Variants in CEP112 observed in about 807,000 individuals in gnomAD.
CEP112 encodes centrosomal protein 112.
In CEP112, 127 loss-of-function variants were observed where a neutral mutation model predicts 153.0. That is an observed-to-expected ratio of 0.83 (90% CI 0.72 to 0.96). The LOEUF is 0.96. Among genes scored for constraint, CEP112 ranks in the 40% least tolerant of loss-of-function variants. The pLI, the probability that CEP112 is intolerant of heterozygous loss-of-function variation, is 0.00. For synonymous variants in CEP112, 358 were observed against 374.4 expected, an observed-to-expected ratio of 0.96 and a Z score of 0.51; for missense variants, 1,089 against 1,101.2, an observed-to-expected ratio of 0.99 and a Z score of 0.16.
In CEP112 at chr17:66,028,402, A is replaced by C; in HGVS notation, c.1507T>G (p.Ser503Ala). The C allele has an allele frequency of 1.3e-6, 2 of 1,539,570 alleles. No individual in the cohort carries two copies. The highest frequency in any genetic ancestry group is 1.8e-6 in the Non-Finnish European group (2 of 1,127,216). ...QEHALSASKA[S>A]SMIEELEQNV... ...TGCTCTAATTCTTCAATCATACTAG[A>C]TGCCTACAAGGATTTTAAGAAGAAT... The change falls in exon 15 of 27, where the codon TCT becomes GCT. Residue 503 changes from serine (S) to alanine (A), a missense_variant. Physicochemically the swap from Ser to Ala is moderately conservative, Grantham distance 99. Transcript: ENST00000535342.
At chr17:66,037,762 C>T (rs577470722) in intron 12 of CEP112, among the ~76,000 whole-genome samples, 4 of 152,214 alleles carry the variant, frequency 2.6e-5, no homozygotes, top group African/African-American at 9.6e-5. Context: ...TCACCATATT[C>T]CATCAGGCTC....
intron 4 of CEP112, among the ~76,000 whole-genome samples, chr17:66,159,240 G>A (rs577695710): frequency 2.3e-4 from 35 of 152,152 alleles, no homozygotes; most frequent in African/African-American, 8.0e-4. Context: ...CCCAGGTCCA[G>A]ATGGATTCAC....
chr17:65,737,427 T>G lies in CEP112; in HGVS notation c.2607+5641A>C, dbSNP rs192841941. On this transcript the variant is annotated intron_variant, in intron 23 of 26. Transcript: ENST00000535342. ...AGAAGCAAATGGCATGGCAGCCTCA[T>G]TTTTTCCTCTTCTGGCTGACAGTAG... Among the ~76,000 whole-genome samples the G allele has an allele frequency of 2.8e-3, 422 of 152,252 alleles. 2 individuals are homozygous for G. The highest frequency in any genetic ancestry group is 6.6e-3 in the Admixed American group (101 of 15,296).
chr17:65,977,255 A>G (rs1396730091), intron 17 of CEP112, among the ~76,000 whole-genome samples: 3 of 152,040 alleles, frequency 2.0e-5, no homozygotes, highest in Non-Finnish European at 2.9e-5. Flanking sequence ...ACTACTCGAC[A>G]CTTTAGCTTG....
intron 6 of CEP112, among the ~76,000 whole-genome samples, chr17:66,113,270 T>C (rs1568504507): frequency 9.2e-6 from 1 of 109,208 alleles, no homozygotes. Context: ...TATACATATA[T>C]TAGGTAATAA....
chr17:66,056,724 C>T (rs868336715), intron 11 of CEP112, among the ~76,000 whole-genome samples: 2 of 152,036 alleles, frequency 1.3e-5, no homozygotes, highest in South Asian at 2.1e-4. Flanking sequence ...GGTTGAAGAG[C>T]CTGGGGTGTG....
chr17:65,728,010 T>C (rs1246724455), intron 23 of CEP112, among the ~76,000 whole-genome samples: 4 of 152,216 alleles, frequency 2.6e-5, no homozygotes, highest in Non-Finnish European at 5.9e-5. Context: ...AAATCTAGCA[T>C]TTACCTTGGT....
intron 4 of CEP112, among the ~76,000 whole-genome samples, chr17:66,144,391 C>T (rs564702413): frequency 3.3e-5 from 5 of 152,158 alleles, no homozygotes; most frequent in East Asian, 1.9e-4. Context: ...TGTTGTTGCA[C>T]GTATCAAAAG....
At chr17:66,026,627 G>A (rs754425811) in intron 16 of CEP112, among the ~76,000 whole-genome samples, 3 of 152,144 alleles carry the variant, frequency 2.0e-5, no homozygotes, top group Non-Finnish European at 4.4e-5. Context: ...GCATCCATGG[G>A]GAATTGGTGC....
intron 18 of CEP112, among the ~76,000 whole-genome samples, chr17:65,936,232 A>G (rs950721034): frequency 3.3e-5 from 5 of 152,208 alleles, no homozygotes; most frequent in African/African-American, 1.2e-4. Context: ...GACTAAGGAG[A>G]CTGAATCATT....
chr17:65,773,696 C>T (rs2053515669), intron 21 of CEP112, among the ~76,000 whole-genome samples: 1 of 152,094 alleles, frequency 6.6e-6, no homozygotes. Flanking sequence ...TGCACATTAC[C>T]TGGATATTTC....
chr17:66,000,629 G>A lies in CEP112; in HGVS notation c.1736+5061C>T, dbSNP rs190207642. ...TGCATAACACTTCGGTGGCAGCAGAGCACTGCGCCCACTCTCACCGTGGTG... is the reference window on the plus strand; with the variant it reads ...TGCATAACACTTCGGTGGCAGCAGAACACTGCGCCCACTCTCACCGTGGTG... On this transcript the variant is annotated intron_variant, in intron 17 of 26. Transcript: ENST00000535342. Among the ~76,000 whole-genome samples, 115 of 152,256 alleles carry A rather than the reference G, an allele frequency of 7.6e-4. 1 individual carries two copies. Among genetic ancestry groups the A allele is most frequent in the Non-Finnish European group, 1.3e-3 (90 of 68,010 alleles).
intron 23 of CEP112, among the ~76,000 whole-genome samples, chr17:65,717,668 G>A (rs892375036): frequency 1.6e-4 from 24 of 152,150 alleles, no homozygotes; most frequent in African/African-American, 5.8e-4. Context: ...TTTGCAAAAT[G>A]TTTGTTTTTC....
Position 66,057,589 on chromosome 17 carries a change from T to C in CEP112, c.1075-3710A>G, listed in dbSNP as rs567300348. ...TAGGATGCATATTTCTATTAGGGAA[T>C]ATACACACACACATACATATATCAC... On this transcript the variant is annotated intron_variant, in intron 11 of 26. Transcript: ENST00000535342. Among the ~76,000 whole-genome samples, 17 of 152,254 alleles carry C rather than the reference T, an allele frequency of 1.1e-4. No homozygotes were observed. In the South Asian group the frequency reaches 3.3e-3, roughly 30 times the overall value.
intron 23 of CEP112, among the ~76,000 whole-genome samples, chr17:65,709,153 C>A (rs232153): frequency 0.47 from 72,074 of 151,992 alleles, 17,616 homozygotes; most frequent in African/African-American, 0.55. Context: ...GGGAAATAAG[C>A]TGCCTGAACT....
At chr17:66,054,574 T>C (rs2066597013) in intron 11 of CEP112, among the ~76,000 whole-genome samples, 1 of 152,178 alleles carries the variant, frequency 6.6e-6, no homozygotes, top group Admixed American at 6.5e-5. Context: ...CAGACAAGCT[T>C]CAATGGACAT....
chr17:66,168,283 C>T (rs1270006262), intron 4 of CEP112, among the ~76,000 whole-genome samples: 1 of 151,968 alleles, frequency 6.6e-6, no homozygotes, highest in African/African-American at 2.4e-5. Flanking sequence ...ATCCACAGAG[C>T]CTCTAAAACA....
At chr17:65,680,039 G>T (rs972588769) in intron 24 of CEP112, among the ~76,000 whole-genome samples, 1 of 152,174 alleles carries the variant, frequency 6.6e-6, no homozygotes, top group African/African-American at 2.4e-5. Context: ...GACTTTTTTG[G>T]TGTCTTTTCT....
chr17:66,105,611 T>C (rs1040369876), intron 6 of CEP112, among the ~76,000 whole-genome samples: 4 of 152,038 alleles, frequency 2.6e-5, no homozygotes, highest in Non-Finnish European at 5.9e-5. Context: ...TTGGGTAACA[T>C]TGTAAAACCC....
Sources: gnomAD v4.1 joint callset for allele counts (sites outside exome capture counted in the v4.1 genomes callset) on GRCh38, gnomAD v4.1.1 for gene constraint, MANE v1.5 for transcripts, NCBI Gene and HGNC (gene_info 2026-07-23, HGNC 2026-07-21) for gene names.